ZNF829: variants seen among roughly 807,000 people sequenced by gnomAD.
ZNF829 encodes the protein zinc finger protein 829.
ZNF829 carries 25 observed loss-of-function variants against 35.2 expected under a neutral mutation model. The ratio of observed to expected loss-of-function variants is 0.71; its 90% confidence interval spans 0.52 to 0.99. The LOEUF (loss-of-function observed/expected upper bound fraction) is 0.99, where lower values mean the gene tolerates loss of function less well. Among genes scored for constraint, ZNF829 ranks in the 50% least tolerant of loss-of-function variants. The pLI, the probability that ZNF829 is intolerant of heterozygous loss-of-function variation, is 0.00. For missense variants in ZNF829, 417 were observed against 515.3 expected (o/e 0.81, Z 1.85); for synonymous variants, 136 against 163.2 (o/e 0.83, Z 1.27).
At chr19:36,902,644 C>CAAAAT (rs376999920) in intron 5 of ZNF829, among the ~76,000 whole-genome samples, 7,636 of 147,460 alleles carry the variant, frequency 0.052, 524 homozygotes, top group African/African-American at 0.16. Flanking sequence ...GACTCTGTCT[C>CAAAAT]AAAATAAAAT....
chr19:36,915,303 TCATACA>T, intron 1 of ZNF829, 52 bp from the exon 2 acceptor site: 1 of 1,543,126 alleles, frequency 6.5e-7, no homozygotes, highest in South Asian at 1.2e-5. Context: ...GACCCCATAC[TCATACA>T]CAGAATGCCA....
intron 5 of ZNF829, among the ~76,000 whole-genome samples, chr19:36,900,145 A>AACACACACACACACACACACAC (rs56218050): frequency 8.3e-6 from 1 of 120,446 alleles, no homozygotes; most frequent in African/African-American, 3.3e-5. Flanking sequence ...GTCTCTACTA[A>AACACACACACACACACACACAC]ACACACACAC....
intron 5 of ZNF829, among the ~76,000 whole-genome samples, chr19:36,899,264 A>ACCCC (rs111462486): frequency 1.8e-4 from 27 of 150,178 alleles, no homozygotes; most frequent in African/African-American, 4.2e-4. Context: ...ACATAGGGAG[A>ACCCC]CCCCCCCCGA....
intron 3 of ZNF829, among the ~76,000 whole-genome samples, chr19:36,911,257 G>C (rs942793408): frequency 2.0e-5 from 3 of 151,606 alleles, no homozygotes; most frequent in Non-Finnish European, 4.4e-5. Context: ...CATCACCCAG[G>C]CTGGAGTGCA....
intron 5 of ZNF829, among the ~76,000 whole-genome samples, chr19:36,904,728 T>C (rs138629248): frequency 6.6e-6 from 1 of 152,258 alleles, no homozygotes; most frequent in Non-Finnish European, 1.5e-5. Context: ...ATAAGCTTTA[T>C]AACACTGTGA....
chr19:36,911,474 A>T (rs2073264052), intron 3 of ZNF829, among the ~76,000 whole-genome samples: 1 of 152,096 alleles, frequency 6.6e-6, no homozygotes, highest in Non-Finnish European at 1.5e-5. Context: ...GGCCTCCCAA[A>T]GTCCTGGGAT....
intron 5 of ZNF829, among the ~76,000 whole-genome samples, chr19:36,898,757 G>A (rs1233391618): frequency 1.3e-5 from 2 of 152,072 alleles, no homozygotes; most frequent in Admixed American, 1.3e-4. Flanking sequence ...ATAGGGAAAA[G>A]GACACGCTGT....
chr19:36,896,465 G>A (rs56286503), intron 5 of ZNF829, among the ~76,000 whole-genome samples: 9,584 of 151,978 alleles, frequency 0.063, 861 homozygotes, highest in African/African-American at 0.2. Context: ...CCTGGGCGAC[G>A]GAACTAGACT....
At chr19:36,911,091 A>G (rs1464860445) in intron 3 of ZNF829, among the ~76,000 whole-genome samples, 1 of 152,198 alleles carries the variant, frequency 6.6e-6, no homozygotes, top group Admixed American at 6.5e-5. Flanking sequence ...TGTTATTCTA[A>G]TGAATTATTG....
intron 1 of ZNF829, 67 bp downstream of exon 1, chr19:36,915,944 T>C: frequency 2.6e-6 from 4 of 1,534,226 alleles, no homozygotes; most frequent in Non-Finnish European, 3.5e-6. Flanking sequence ...ACCTAAGCCC[T>C]TTCCAGTCAT....
Position 36,892,147 on chromosome 19 carries a change from T to C in ZNF829, c.644A>G (p.Lys215Arg). Reference protein sequence around the residue: ...IHTGKKPYECKECGKAFSCSS... With the variant: ...IHTGKKPYECRECGKAFSCSS... ...ACAACTAAAAGCCTTGCCACATTCCTTACATTCATAGGGTTTTTTACCAGT... is the reference window on the plus strand; with the variant it reads ...ACAACTAAAAGCCTTGCCACATTCCCTACATTCATAGGGTTTTTTACCAGT... The change falls in exon 6 of 6, where the codon AAG (lysine) becomes AGG (arginine). Residue 215 changes from lysine to arginine, a missense_variant. Physicochemically the swap from Lys to Arg is conservative, Grantham distance 26 (BLOSUM62 2). Coordinates refer to ENST00000391711, the MANE Select transcript of ZNF829 (RefSeq NM_001037232.4). 6.2e-7 allele frequency: 1 copy of C among 1,614,136 alleles called. No individual in the cohort carries two copies. Among genetic ancestry groups the C allele is most frequent in the Non-Finnish European group, 8.5e-7 (1 of 1,180,014 alleles).
intron 4 of ZNF829, 134 bp from the exon 5 acceptor site, chr19:36,908,158 C>T: frequency 8.5e-7 from 1 of 1,178,312 alleles, no homozygotes; most frequent in Non-Finnish European, 1.2e-6. Flanking sequence ...GAAGCTTCAG[C>T]CACAGCCCAT....
In ZNF829 at chr19:36,915,793, C is replaced by T. The variant is rs571831735; in HGVS notation, c.-85+218G>A. On this transcript the variant is annotated intron_variant, in intron 1 of 5. Coordinates refer to ENST00000391711, the MANE Select transcript of ZNF829 (RefSeq NM_001037232.4). ...TGTATTTTTAGTAGAGATGGGGTTT[C>T]ACCATGTTGGCCAGGATGGTCTCGA... is the stretch of plus-strand genomic sequence containing the variant. 40 of 1,440,768 alleles carry T rather than the reference C, an allele frequency of 2.8e-5. No homozygotes were observed. In the South Asian group the frequency reaches 4.8e-4, roughly 17 times the overall value. The allele number at this position is 1,440,768 out of a possible 1,614,324, so 89.2% of individuals were successfully genotyped here.
In ZNF829 at chr19:36,897,988, G is replaced by A. The variant is rs1040024027; in HGVS notation, c.320-5517C>T. ...GTTTGAGACCAGCCTGGCCAACATG[G>A]TGAAACCTTGTCTTGACTAAAAATA... On this transcript the variant is annotated intron_variant, in intron 5 of 5. Transcript: ENST00000391711. Among the ~76,000 whole-genome samples, 12 of 152,180 alleles carry A rather than the reference G, an allele frequency of 7.9e-5. 1 individual carries two copies. Among genetic ancestry groups the A allele is most frequent in the Non-Finnish European group, 4.4e-5 (3 of 68,036 alleles).
In ZNF829 at chr19:36,892,305, T is replaced by C. The variant is rs2073063799; in HGVS notation, c.486A>G (p.Gly162=). 1 of 1,613,880 alleles carries C rather than the reference T, an allele frequency of 6.2e-7. No homozygotes were observed. The highest frequency in any genetic ancestry group is 8.5e-7 in the Non-Finnish European group (1 of 1,179,980). ...EEKPWECKIC[G]KTFNQNSQFI... is the part of the protein sequence containing the mutation. Reference sequence around the variant, plus strand: ...ATTGTGAGTTTTGATTAAAGGTCTTTCCACATATCTTACATTCCCATGGTT... The same window carrying C: ...ATTGTGAGTTTTGATTAAAGGTCTTCCCACATATCTTACATTCCCATGGTT... Residue 162 remains glycine (G), a synonymous_variant, in exon 6 of 6, where the codon GGA becomes GGG. Transcript: ENST00000391711.
chr19:36,902,865 G>A (rs1025162589), intron 5 of ZNF829, among the ~76,000 whole-genome samples: 24 of 151,926 alleles, frequency 1.6e-4, no homozygotes, highest in East Asian at 1.2e-3. Flanking sequence ...GTGAAACCCC[G>A]TCTCTACTAA....
In ZNF829 at chr19:36,907,919, T is replaced by C; in HGVS notation, c.319+10A>G. ...ATAGCCCTGCTCCTGAGCCATCATC[T>C]CTTACTTACCTGAACACAGGCCTCT... On this transcript the variant is annotated intron_variant, in intron 5 of 5. Coordinates refer to ENST00000391711, the MANE Select transcript of ZNF829 (RefSeq NM_001037232.4). The C allele has an allele frequency of 3.7e-6, 6 of 1,611,422 alleles. No homozygotes were observed. The highest frequency in any genetic ancestry group is 5.1e-6 in the Non-Finnish European group (6 of 1,177,898).
At chr19:36,908,118 CAAG>C in intron 4 of ZNF829, 94 bp from the exon 5 acceptor site, 1 of 1,255,292 alleles carries the variant, frequency 8.0e-7, no homozygotes, top group Non-Finnish European at 1.1e-6. Context: ...GATGCCACTA[CAAG>C]AAGGACCGGA....
At chr19:36,896,572 G>C (rs925410862) in intron 5 of ZNF829, among the ~76,000 whole-genome samples, 14 of 152,258 alleles carry the variant, frequency 9.2e-5, no homozygotes, top group Middle Eastern at 6.8e-3. Flanking sequence ...AGTTCATCTA[G>C]ATAGAAAATC....
Sources: gnomAD v4.1 joint callset for allele counts (sites outside exome capture counted in the v4.1 genomes callset) on GRCh38, gnomAD v4.1.1 for gene constraint, MANE v1.5 for transcripts, NCBI Gene and HGNC (gene_info 2026-07-23, HGNC 2026-07-21) for gene names.